Variants in ZBTB10 observed in about 807,000 individuals in gnomAD.
The protein encoded by ZBTB10 is zinc finger and BTB domain containing 10, also known as zinc finger and BTB domain-containing protein 10.
In ZBTB10, 32 loss-of-function variants were observed where a neutral mutation model predicts 76.4. The ratio of observed to expected loss-of-function variants is 0.42; its 90% CI spans 0.32 to 0.56. ZBTB10 has a LOEUF of 0.56. Among genes scored for constraint, ZBTB10 ranks in the 20% least tolerant of loss-of-function variants. ZBTB10 has a pLI of 0.14. For synonymous variants in ZBTB10, 523 were observed against 432.9 expected, an observed-to-expected ratio of 1.21 and a Z score of -2.58; for missense variants, 1,057 against 1,098.5, an observed-to-expected ratio of 0.96 and a Z score of 0.53.
At chr8:80,503,479 G>A (rs764785598) in intron 2 of ZBTB10, among the ~76,000 whole-genome samples, 1 of 151,840 alleles carries the variant, frequency 6.6e-6, no homozygotes, top group African/African-American at 2.4e-5. Context: ...TAATTCTGTC[G>A]TTGGGAATAG....
At chr8:80,510,674 G>A (rs1232013912) in intron 2 of ZBTB10, among the ~76,000 whole-genome samples, 3 of 150,698 alleles carry the variant, frequency 2.0e-5, no homozygotes, top group Non-Finnish European at 4.4e-5. Flanking sequence ...GTGTGTGTGT[G>A]TGTGTTTTAG....
At chr8:80,485,934 T>G (rs925565262), upstream of ZBTB10, 1 of 1,511,900 alleles carries the variant, frequency 6.6e-7, no homozygotes, top group African/African-American at 1.4e-5. Flanking sequence ...CGCCAGCTGT[T>G]TGTCCTCCGC....
intron 2 of ZBTB10, among the ~76,000 whole-genome samples, chr8:80,502,582 C>T (rs1031541011): frequency 3.3e-5 from 5 of 152,160 alleles, no homozygotes; most frequent in Admixed American, 1.3e-4. Flanking sequence ...GTTTGGTATC[C>T]GAACCTTGCT....
Position 80,499,581 on chromosome 8 carries a change from C to T in ZBTB10, c.1060C>T (p.Leu354=), listed in dbSNP as rs767167654. ...NSYCYQLLRQ[L]NEQRKKGILC... ...TTATTGCTATCAACTTCTGCGACAA[C>T]TAAATGAACAGAGAAAGAAAGGTAT... The change falls in exon 2 of 6, where the codon CTA becomes TTA. Residue 354 remains leucine (L), a synonymous_variant. Transcript: ENST00000455036. 3.1e-6 allele frequency: 5 copies of T among 1,613,914 alleles called. No individual in the cohort carries two copies. In the East Asian group the frequency reaches 1.1e-4, roughly 36 times the overall value.
At chr8:80,510,982 TC>T in intron 2 of ZBTB10, among the ~76,000 whole-genome samples, 1 of 152,304 alleles carries the variant, frequency 6.6e-6, no homozygotes, top group Non-Finnish European at 1.5e-5. Context: ...TCCATTCACA[TC>T]AACATCTCTA....
intron 2 of ZBTB10, among the ~76,000 whole-genome samples, chr8:80,503,891 G>A (rs1462338482): frequency 2.6e-5 from 4 of 152,160 alleles, no homozygotes; most frequent in South Asian, 2.1e-4. Context: ...AATGTTAGAC[G>A]TTTAAAGAGT....
chr8:80,493,207 G>GCGCGCGCGCGCGCGCGCACA (rs375071529), intron 1 of ZBTB10, among the ~76,000 whole-genome samples: 3 of 125,242 alleles, frequency 2.4e-5, no homozygotes, highest in Admixed American at 7.8e-5. Flanking sequence ...GCGCGCGCGC[G>GCGCGCGCGCGCGCGCGCACA]CACACACACA....
At position 80,523,599 on chromosome 8, in the gene ZBTB10, T is replaced by C. The variant is rs945994337; in HGVS notation, c.*4071T>C. On this transcript the variant is annotated 3_prime_UTR_variant, in exon 6 of 6. Transcript: ENST00000455036. Reference sequence around the variant, plus strand: ...AGAACTAACAGGTGTTTAGTCACTTTAGGACTTAAAATGGAAAGTTTTTTT... The same window carrying C: ...AGAACTAACAGGTGTTTAGTCACTTCAGGACTTAAAATGGAAAGTTTTTTT... 6.8e-6 allele frequency: 1 copy of C among 146,208 alleles called. No individual in the cohort carries two copies. The highest frequency in any genetic ancestry group is 2.7e-5 in the African/African-American group (1 of 37,002). 9.1% of individuals were successfully genotyped at this position (146,208 alleles called of 1,614,324 possible). A position where few individuals can be genotyped will look rare whatever the true frequency, so the allele number is the denominator to read the frequency against.
chr8:80,497,683 C>CTTTTT (rs397891910), intron 1 of ZBTB10, among the ~76,000 whole-genome samples: 3,800 of 87,634 alleles, frequency 0.043, 190 homozygotes, highest in South Asian at 0.098. Context: ...GTCCTGGAAT[C>CTTTTT]TTTTTTTTTT....
intron 2 of ZBTB10, among the ~76,000 whole-genome samples, chr8:80,509,958 A>C (rs575446401): frequency 9.2e-5 from 14 of 152,260 alleles, no homozygotes; most frequent in African/African-American, 3.4e-4. Flanking sequence ...TCCTTCCATG[A>C]ATAGTACCTC....
Position 80,486,807 on chromosome 8 carries a change from C to T in ZBTB10, c.-4C>T, listed in dbSNP as rs1281675112. ...ACCGGGCGGCGGCGGCGGCGGCGCG[C>T]GCCATGTCGTTCAGTGAAATGAACC... is the stretch of plus-strand genomic sequence containing the variant. On this transcript the variant is annotated 5_prime_UTR_variant, in exon 1 of 6. Transcript: ENST00000455036. 4 of 1,431,400 alleles carry T rather than the reference C, an allele frequency of 2.8e-6. No homozygotes were observed. The highest frequency in any genetic ancestry group is 3.6e-6 in the Non-Finnish European group (4 of 1,096,742). 88.7% of individuals were successfully genotyped at this position (1,431,400 alleles called of 1,614,324 possible).
At chr8:80,501,801 T>C (rs1815932349) in intron 2 of ZBTB10, among the ~76,000 whole-genome samples, 2 of 152,244 alleles carry the variant, frequency 1.3e-5, no homozygotes, top group African/African-American at 4.8e-5. Context: ...TGAGACAATT[T>C]AGTTAAATGA....
rs374507966 is a variant in ZBTB10, at chr8:80,523,563, T to C, written c.*4035T>C. The C allele has an allele frequency of 4.0e-4, 61 of 151,928 alleles. No homozygotes were observed. The highest frequency in any genetic ancestry group is 1.5e-3 in the African/African-American group (61 of 41,532). The allele number at this position is 151,928 out of a possible 1,614,324, so 9.4% of individuals were successfully genotyped here. On this transcript the variant is annotated 3_prime_UTR_variant, in exon 6 of 6. Transcript: ENST00000455036. ...CCTTAAACTTAACTATGGTACATAA[T>C]ATCCACACTTAGAACTAACAGGTGT...
At chr8:80,495,123 A>ATC (rs531241942) in intron 1 of ZBTB10, among the ~76,000 whole-genome samples, 6 of 148,196 alleles carry the variant, frequency 4.0e-5, no homozygotes, top group Admixed American at 2.1e-4. Flanking sequence ...GGGGATTCAA[A>ATC]TCTCTCTCTC....
Position 80,487,427 on chromosome 8 carries a change from G to C in ZBTB10, c.617G>C (p.Ser206Thr). The change falls in exon 1 of 6, where the codon AGC (serine) becomes ACC (threonine). Residue 206 changes from serine (S) to threonine (T), a missense_variant. Ser to Thr is a moderately conservative substitution (Grantham distance 58, BLOSUM62 1). Around this residue, in one of 5 missense-constraint regions of ZBTB10, gnomAD observed 556 missense variants for 451.7 expected, o/e 1.23. Transcript: ENST00000455036. ...GSGAEGGSCS[S>T]SRRSGGDGGD... ...GGGGCGGAAGGCGGCAGCTGCAGCA[G>C]CAGCAGGCGGTCGGGCGGCGATGGC... The C allele has an allele frequency of 6.5e-7, 1 of 1,543,960 alleles. No homozygotes were observed. Among genetic ancestry groups the C allele is most frequent in the Non-Finnish European group, 8.8e-7 (1 of 1,141,940 alleles).
chr8:80,493,202 C>CGCGCGCGT (rs1554551230), intron 1 of ZBTB10, among the ~76,000 whole-genome samples: 3 of 119,314 alleles, frequency 2.5e-5, no homozygotes, highest in African/African-American at 1.0e-4. Context: ...AACGCGCGCG[C>CGCGCGCGT]GCGCGCACAC....
rs1815448205 is a variant in ZBTB10 at position 80,486,344 on chromosome 8, C to G, written c.-467C>G. On this transcript the variant is annotated 5_prime_UTR_variant, in exon 1 of 6. Transcript: ENST00000455036. ...GCGTGCCTCTCACCCTCAGCGCCTG[C>G]GAAGCCGGCGGCGGCGTCGGGACTC... 2.0e-6 allele frequency: 2 copies of G among 988,474 alleles called. No homozygotes were observed. Among genetic ancestry groups the G allele is most frequent in the African/African-American group, 1.7e-5 (1 of 57,318 alleles). 61.2% of individuals were successfully genotyped at this position (988,474 alleles called of 1,614,324 possible). A position where few individuals can be genotyped will look rare whatever the true frequency, so the allele number is the denominator to read the frequency against.
At chr8:80,510,091 A>G (rs560550210) in intron 2 of ZBTB10, among the ~76,000 whole-genome samples, 9 of 152,388 alleles carry the variant, frequency 5.9e-5, no homozygotes, top group African/African-American at 2.2e-4. Flanking sequence ...AATGATAGCT[A>G]GTACCTTGGT....
In ZBTB10 at chr8:80,486,555, C is replaced by CGGCGG; in HGVS notation, c.-248_-244dup. The CGGCGG allele has an allele frequency of 1.0e-6, 1 of 986,110 alleles. No individual in the cohort carries two copies. Among genetic ancestry groups the CGGCGG allele is most frequent in the Non-Finnish European group, 1.2e-6 (1 of 830,622 alleles). The allele number at this position is 986,110 out of a possible 1,614,324, so 61.1% of individuals were successfully genotyped here. A position where few individuals can be genotyped will look rare whatever the true frequency, so the allele number is the denominator to read the frequency against. ...TCCGCGCGGGACGCTGCCCGGAGCG[C>CGGCGG]GGCGGGGCGGGGGTGGAGGACGAGA... On this transcript the variant is annotated 5_prime_UTR_variant, in exon 1 of 6. Transcript: ENST00000455036.
Sources: allele counts gnomAD v4.1 joint callset (sites outside exome capture counted in the v4.1 genomes callset), GRCh38; gene constraint gnomAD v4.1.1; regional missense constraint gnomAD v4.1.1; transcripts MANE v1.5; gene names NCBI Gene and HGNC (gene_info 2026-07-23, HGNC 2026-07-21).